Variants in FBLN2 observed in about 807,000 individuals in gnomAD.
FBLN2 encodes the protein fibulin-2.
FBLN2 carries 81 observed loss-of-function variants against 123.7 expected under a neutral mutation model. The ratio of observed to expected loss-of-function variants is 0.65; its 90% CI spans 0.55 to 0.79. The LOEUF (loss-of-function observed/expected upper bound fraction) is 0.79. Ranked by LOEUF, FBLN2 falls within the 30% of genes least tolerant of loss-of-function variation. The pLI is 0.00. For missense variants in FBLN2, 1,603 were observed against 1,681.3 expected, an observed-to-expected ratio of 0.95 and a Z score of 0.81; for synonymous variants, 699 against 701.4, an observed-to-expected ratio of 1.00 and a Z score of 0.05.
At position 13,629,801 on chromosome 3, in the gene FBLN2, G is replaced by GC; in HGVS notation, c.2843-18dup. ...CTTTAGGGCCACCTACCCTGTACCT[G>GC]CTGCCTGCCCTCCCACAGACGTGAA... is the stretch of plus-strand genomic sequence containing the variant. On this transcript the variant is annotated intron_variant, in intron 13 of 17. Transcript: ENST00000404922. 1.9e-6 allele frequency: 3 copies of GC among 1,558,884 alleles called. No individual in the cohort carries two copies. The highest frequency in any genetic ancestry group is 2.6e-6 in the Non-Finnish European group (3 of 1,151,612).
intron 2 of FBLN2, among the ~76,000 whole-genome samples, chr3:13,601,637 C>G (rs1200908942): frequency 6.6e-6 from 1 of 152,222 alleles, no homozygotes; most frequent in South Asian, 2.1e-4. Context: ...TCAGCAAATA[C>G]TCATTGAACA....
chr3:13,570,551 G>T lies in FBLN2; in HGVS notation c.196G>T (p.Glu66Ter). ...GTGTGTGCAGCAGGGCTGCGCCTGC[G>T]AGGGCTACCAGTACTATGACTGCCT... is the stretch of plus-strand genomic sequence containing the variant. ...ATCVQQGCACEGYQYYDCLQG... is the reference protein window; with the variant it reads ...ATCVQQGCAC The change falls in exon 2 of 18, where the codon GAG becomes TAG. Residue 66 changes from glutamate to a stop codon, truncating the protein, a stop_gained. Coordinates refer to ENST00000404922, the MANE Select transcript of FBLN2 (RefSeq NM_001004019.2). LOFTEE classifies it high-confidence loss of function. 6.3e-7 allele frequency: 1 copy of T among 1,590,482 alleles called. No individual in the cohort carries two copies.
At chr3:13,559,029 G>A (rs896968523) in intron 1 of FBLN2, among the ~76,000 whole-genome samples, 1 of 152,100 alleles carries the variant, frequency 6.6e-6, no homozygotes, top group Admixed American at 6.5e-5. Flanking sequence ...AGAGGGGGAT[G>A]GGTTAGGAAA....
chr3:13,558,379 A>G (rs1417483406), intron 1 of FBLN2, among the ~76,000 whole-genome samples: 1 of 150,338 alleles, frequency 6.7e-6, no homozygotes, highest in African/African-American at 2.5e-5. Flanking sequence ...CACTCCCCCC[A>G]CCCCGCCACC....
At chr3:13,609,051 T>A (rs1186727342) in intron 3 of FBLN2, among the ~76,000 whole-genome samples, 1 of 152,236 alleles carries the variant, frequency 6.6e-6, no homozygotes, top group African/African-American at 2.4e-5. Flanking sequence ...CAGGGGGTGC[T>A]GAGCCCTGTC....
chr3:13,551,709 T>A (rs1026173), intron 1 of FBLN2, among the ~76,000 whole-genome samples: 118,509 of 151,950 alleles, frequency 0.78, 47,008 homozygotes, highest in East Asian at 1. Flanking sequence ...TGAAACTGGG[T>A]TCTCTGCAGC....
intron 9 of FBLN2, among the ~76,000 whole-genome samples, chr3:13,622,450 C>T (rs1437354974): frequency 1.3e-5 from 2 of 152,192 alleles, no homozygotes; most frequent in Admixed American, 6.5e-5. Context: ...CCCCAGGGTC[C>T]CCCGCAGAGC....
chr3:13,634,391 G>T (rs141847708), intron 16 of FBLN2, among the ~76,000 whole-genome samples: 5 of 152,242 alleles, frequency 3.3e-5, no homozygotes, highest in African/African-American at 4.8e-5. Context: ...ACCGCCTCCC[G>T]CGAGCTTGGT....
At chr3:13,611,313 G>A (rs945023652) in intron 4 of FBLN2, among the ~76,000 whole-genome samples, 9 of 152,276 alleles carry the variant, frequency 5.9e-5, no homozygotes, top group East Asian at 3.9e-4. Flanking sequence ...ATTTGTAAGC[G>A]CACAGCTCAG....
intron 2 of FBLN2, among the ~76,000 whole-genome samples, chr3:13,589,902 A>G (rs1021229127): frequency 3.9e-5 from 6 of 152,188 alleles, no homozygotes; most frequent in Admixed American, 6.5e-5. Context: ...CATAATGTAC[A>G]TGCTCTTGAG....
intron 8 of FBLN2, among the ~76,000 whole-genome samples, chr3:13,620,248 A>T (rs1016501989): frequency 1.3e-5 from 2 of 152,148 alleles, no homozygotes; most frequent in African/African-American, 2.4e-5. Flanking sequence ...TAACAAGGTG[A>T]TACGGATGCT....
chr3:13,621,886 A>G lies in FBLN2; in HGVS notation c.2267A>G (p.Tyr756Cys), dbSNP rs1215413295. The G allele has an allele frequency of 1.1e-5, 17 of 1,613,628 alleles. No homozygotes were observed. In the Admixed American group the frequency reaches 2.0e-4, roughly 19 times the overall value. Reference protein sequence around the residue: ...VNHTVLCADGYILNAHRKCVD... With the variant: ...VNHTVLCADGCILNAHRKCVD... ...CACACAGTGCTCTGTGCCGATGGCT[A>G]TATCCTCAATGCGCACAGGAAGTGC... Residue 756 changes from tyrosine (Y) to cysteine (C), a missense_variant, in exon 9 of 18, where the codon TAT (tyrosine) becomes TGT (cysteine). Coordinates refer to ENST00000404922, the MANE Select transcript of FBLN2 (RefSeq NM_001004019.2).
chr3:13,575,077 AGACGGT>A lies in FBLN2; in HGVS notation c.1306+3420_1306+3425del, dbSNP rs542580456. 1.8e-4 allele frequency among the ~76,000 whole-genome samples: 28 copies of A among 152,360 alleles called. No individual in the cohort carries two copies. In the East Asian group the frequency reaches 5.2e-3, roughly 28 times the overall value. ...AGATATCAGCGGGTGGGCTGAGGAC[AGACGGT>A]GACTAATCATCGTCGCATTTCTAAT... On this transcript the variant is annotated intron_variant, in intron 2 of 17. Coordinates refer to ENST00000404922, the MANE Select transcript of FBLN2 (RefSeq NM_001004019.2).
chr3:13,621,991 C>T, intron 9 of FBLN2, 76 bp downstream of exon 9: 1 of 1,531,650 alleles, frequency 6.5e-7, no homozygotes, highest in Non-Finnish European at 8.8e-7. Flanking sequence ...CACACTGTGG[C>T]CACATGCCAA....
intron 2 of FBLN2, among the ~76,000 whole-genome samples, chr3:13,583,418 T>C (rs1704400512): frequency 6.6e-6 from 1 of 152,272 alleles, no homozygotes. Context: ...AACCCCTGAC[T>C]TGGCCCCCTG....
intron 16 of FBLN2, among the ~76,000 whole-genome samples, chr3:13,634,122 G>C (rs1487962005): frequency 6.6e-6 from 1 of 152,204 alleles, no homozygotes; most frequent in Non-Finnish European, 1.5e-5. Context: ...GTGGGCTTCT[G>C]GGCCTCAAGT....
intron 1 of FBLN2, among the ~76,000 whole-genome samples, chr3:13,550,694 C>T (rs1409785599): frequency 2.0e-5 from 3 of 152,116 alleles, no homozygotes; most frequent in Non-Finnish European, 4.4e-5. Context: ...TGAAGACTCC[C>T]CAGCAGGAGG....
At chr3:13,551,017 T>A (rs1703307252) in intron 1 of FBLN2, among the ~76,000 whole-genome samples, 1 of 152,242 alleles carries the variant, frequency 6.6e-6, no homozygotes, top group South Asian at 2.1e-4. Context: ...ATCTCCTGGC[T>A]GGTGCTGCCC....
chr3:13,604,017 TG>T (rs1705125063), intron 2 of FBLN2, among the ~76,000 whole-genome samples: 1 of 152,252 alleles, frequency 6.6e-6, no homozygotes, highest in Non-Finnish European at 1.5e-5. Context: ...ATGTGTCTGT[TG>T]GCTGCATAAA....
Sources: allele counts gnomAD v4.1 joint callset (sites outside exome capture counted in the v4.1 genomes callset), GRCh38; gene constraint gnomAD v4.1.1; transcripts MANE v1.5; gene names NCBI Gene and HGNC (gene_info 2026-07-23, HGNC 2026-07-21).